ROBO1: variants seen among roughly 807,000 people sequenced by gnomAD.
ROBO1 encodes roundabout homolog 1.
Under a neutral mutation model 195.9 loss-of-function variants are expected in ROBO1, and 149 were observed. The observed-to-expected ratio is 0.76, with a 90% CI of 0.67 to 0.87. The LOEUF is 0.87. ROBO1 is among the 40% of genes least tolerant of loss of function. ROBO1 has a pLI of 0.00. For missense variants in ROBO1, 1,933 were observed against 2,068.3 expected (o/e 0.93, Z 1.27); for synonymous variants, 816 against 733.2 (o/e 1.11, Z -1.82).
At chr3:79,624,286 C>A (rs1945098594) in intron 1 of ROBO1, among the ~76,000 whole-genome samples, 1 of 152,094 alleles carries the variant, frequency 6.6e-6, no homozygotes, top group Non-Finnish European at 1.5e-5. Flanking sequence ...GAAACGGCAT[C>A]AACTAATGTG....
At chr3:79,230,384 T>C (rs2082297622) in intron 2 of ROBO1, among the ~76,000 whole-genome samples, 1 of 152,146 alleles carries the variant, frequency 6.6e-6, no homozygotes, top group Non-Finnish European at 1.5e-5. Context: ...TCTAGTAGAT[T>C]GCTGCGGTGA....
At chr3:78,627,212 A>G (rs1159937198) in intron 26 of ROBO1, 109 bp downstream of exon 26, 1 of 1,235,942 alleles carries the variant, frequency 8.1e-7, no homozygotes, top group African/African-American at 1.5e-5. Flanking sequence ...ATACTGCCAG[A>G]AAAGGCTTAT....
At chr3:79,242,910 C>A (rs948692419) in intron 2 of ROBO1, among the ~76,000 whole-genome samples, 1 of 151,934 alleles carries the variant, frequency 6.6e-6, no homozygotes, top group African/African-American at 2.4e-5. Context: ...TATACATGTG[C>A]CATGTTGGTG....
chr3:78,684,530 C>T (rs1044182960), intron 10 of ROBO1, among the ~76,000 whole-genome samples: 1 of 151,920 alleles, frequency 6.6e-6, no homozygotes, highest in African/African-American at 2.4e-5. Flanking sequence ...CTTCAGTTTA[C>T]GTAATCGGGA....
At chr3:78,642,195 A>G (rs1466968305) in intron 21 of ROBO1, among the ~76,000 whole-genome samples, 1 of 152,196 alleles carries the variant, frequency 6.6e-6, no homozygotes, top group African/African-American at 2.4e-5. Context: ...TAATATAATA[A>G]GTGGATAGAT....
intron 4 of ROBO1, among the ~76,000 whole-genome samples, chr3:78,752,858 G>T (rs2082832085): frequency 6.6e-6 from 1 of 151,930 alleles, no homozygotes; most frequent in South Asian, 2.1e-4. Context: ...ATATATCTAG[G>T]AATATTCTAC....
intron 3 of ROBO1, among the ~76,000 whole-genome samples, chr3:78,951,875 G>A (rs2040810517): frequency 6.6e-6 from 1 of 152,050 alleles, no homozygotes; most frequent in Admixed American, 6.6e-5. Flanking sequence ...CCCCCTCTGA[G>A]AGGTCACTTT....
intron 3 of ROBO1, among the ~76,000 whole-genome samples, chr3:79,053,083 C>T (rs1161628257): frequency 6.6e-6 from 1 of 152,064 alleles, no homozygotes; most frequent in Non-Finnish European, 1.5e-5. Context: ...GTTGGTGCAA[C>T]ATTCTGGGAA....
chr3:78,670,443 A>G, intron 10 of ROBO1, 142 bp from the exon 11 acceptor site: 1 of 678,178 alleles, frequency 1.5e-6, no homozygotes. Context: ...TGCATTATTC[A>G]AAATGCATTT....
At chr3:79,319,123 C>T (rs1320626654) in intron 2 of ROBO1, among the ~76,000 whole-genome samples, 5 of 152,140 alleles carry the variant, frequency 3.3e-5, no homozygotes, top group Non-Finnish European at 7.4e-5. Context: ...CACTCCTCTC[C>T]TATCCTTCCA....
Position 79,670,968 on chromosome 3 carries a change from C to T in ROBO1, c.-50-81007G>A, listed in dbSNP as rs145307127. Among the ~76,000 whole-genome samples, 205 of 151,900 alleles carry T rather than the reference C, an allele frequency of 1.3e-3. 3 individuals are homozygous for T. The East Asian group carries it at 0.031, about 23-fold the overall frequency. On this transcript the variant is annotated intron_variant, in intron 1 of 30. Coordinates refer to ENST00000464233, the MANE Select transcript of ROBO1 (RefSeq NM_002941.4). ...TGTCTTAGTATTGACAGCCAACTCA[C>T]TCACCCAGGTTGTTTAATTAGCTTT...
intron 21 of ROBO1, among the ~76,000 whole-genome samples, chr3:78,640,406 G>A (rs1705868862): frequency 6.6e-6 from 1 of 152,106 alleles, no homozygotes; most frequent in South Asian, 2.1e-4. Flanking sequence ...CATACTTAAT[G>A]AGTTTGGGGC....
intron 3 of ROBO1, among the ~76,000 whole-genome samples, chr3:79,055,695 T>G (rs1284402211): frequency 6.6e-6 from 1 of 152,106 alleles, no homozygotes; most frequent in Non-Finnish European, 1.5e-5. Flanking sequence ...TGGAGTTTGT[T>G]CCTGGACTCG....
At chr3:79,229,660 C>T (rs897812584) in intron 2 of ROBO1, among the ~76,000 whole-genome samples, 1 of 152,040 alleles carries the variant, frequency 6.6e-6, no homozygotes. Flanking sequence ...ATTGCCCAGG[C>T]TGATCTCAAA....
chr3:78,986,434 C>T (rs1455042102), intron 3 of ROBO1, among the ~76,000 whole-genome samples: 1 of 151,068 alleles, frequency 6.6e-6, no homozygotes, highest in African/African-American at 2.4e-5. Context: ...AACCAGTCAA[C>T]CATACTGGCC....
intron 1 of ROBO1, among the ~76,000 whole-genome samples, chr3:79,612,422 T>C (rs1392839359): frequency 6.6e-6 from 1 of 151,298 alleles, no homozygotes; most frequent in African/African-American, 2.4e-5. Flanking sequence ...CTTAATCCAG[T>C]CTATCATTGT....
intron 1 of ROBO1, among the ~76,000 whole-genome samples, chr3:79,611,014 C>G (rs918272890): frequency 6.6e-6 from 1 of 151,980 alleles, no homozygotes; most frequent in Non-Finnish European, 1.5e-5. Flanking sequence ...GCACTTGAGG[C>G]TGATCAAATA....
chr3:79,364,854 CAT>C (rs1261285303), intron 2 of ROBO1, among the ~76,000 whole-genome samples: 6 of 152,142 alleles, frequency 3.9e-5, no homozygotes, highest in African/African-American at 1.4e-4. Flanking sequence ...ATTTCTTTTA[CAT>C]ATTTTCTGAC....
At chr3:79,037,864 G>A (rs751388597) in intron 3 of ROBO1, among the ~76,000 whole-genome samples, 14 of 152,136 alleles carry the variant, frequency 9.2e-5, no homozygotes, top group Non-Finnish European at 1.6e-4. Context: ...TGTTCCTCAC[G>A]ATAGTTAGCT....
Sources: allele counts gnomAD v4.1 joint callset (sites outside exome capture counted in the v4.1 genomes callset), GRCh38; gene constraint gnomAD v4.1.1; transcripts MANE v1.5; gene names NCBI Gene and HGNC (gene_info 2026-07-23, HGNC 2026-07-21).